Variants in CELF6 observed in about 807,000 individuals in gnomAD.
The protein encoded by CELF6 is Bruno -like 6, RNA binding protein.
A neutral mutation model predicts 53.1 loss-of-function variants in CELF6; 32 were observed. The observed-to-expected ratio is 0.60, with a 90% confidence interval of 0.46 to 0.81. The LOEUF (loss-of-function observed/expected upper bound fraction) is 0.81, where lower values mean the gene tolerates loss of function less well. Ranked by LOEUF, CELF6 falls within the 30% of genes least tolerant of loss-of-function variation. The pLI is 0.00. For synonymous variants in CELF6, 291 were observed against 288.8 expected (o/e 1.01, Z -0.08); for missense variants, 539 against 669.5 (o/e 0.81, Z 2.15).
At chr15:72,303,471 G>A (rs758137996) in intron 3 of CELF6, among the ~76,000 whole-genome samples, 1 of 152,194 alleles carries the variant, frequency 6.6e-6, no homozygotes, top group Non-Finnish European at 1.5e-5. Flanking sequence ...ACTTCACAGT[G>A]GAACCACAAA....
At position 72,290,307 on chromosome 15, in the gene CELF6, C is replaced by G. The variant is rs770784305; in HGVS notation, c.395-52G>C. On this transcript the variant is annotated intron_variant, in intron 3 of 12. Transcript: ENST00000287202. ...GGGACCCCAAGTCTTCCTAGACCCC[C>G]GAGAGTAGCCTGAGGAACTTAGGAA... 4 of 1,575,756 alleles carry G rather than the reference C, an allele frequency of 2.5e-6. No homozygotes were observed. In the South Asian group the frequency reaches 3.4e-5, roughly 14 times the overall value.
intron 2 of CELF6, among the ~76,000 whole-genome samples, chr15:72,315,290 A>G (rs542765921): frequency 6.6e-6 from 1 of 152,320 alleles, no homozygotes; most frequent in African/African-American, 2.4e-5. Flanking sequence ...TCCATTAGCC[A>G]AGACCAGACC....
At chr15:72,292,862 T>C (rs895257003) in intron 3 of CELF6, among the ~76,000 whole-genome samples, 4 of 152,168 alleles carry the variant, frequency 2.6e-5, no homozygotes, top group African/African-American at 4.8e-5. Context: ...ACCCCATCTC[T>C]ACTAAAAATA....
chr15:72,303,547 T>C (rs12440927), intron 3 of CELF6, among the ~76,000 whole-genome samples: 18,652 of 152,174 alleles, frequency 0.12, 2,472 homozygotes, highest in African/African-American at 0.32. Flanking sequence ...ACAGAATTAG[T>C]AGGACTCAAT....
In CELF6 at chr15:72,289,275, G is replaced by A. The variant is rs2087967501; in HGVS notation, c.893C>T (p.Pro298Leu). The change falls in exon 8 of 13, where the codon CCG becomes CTG. Residue 298 changes from proline to leucine, a missense_variant. Pro to Leu is a moderately conservative substitution (Grantham distance 98, BLOSUM62 -3). Transcript: ENST00000287202. This position sits in a 1 kb window ranked among gnomAD's most constrained non-coding sequence, Gnocchi z 7.6. ...GAGGGTGCCAGGGCCGCTGCCAGGC[G>A]GGGAGTTGGCTGCTGATGGCGGAAA... ...PLLPAAAANS[P>L]PGSGPGTLPG... The A allele has an allele frequency of 1.2e-5, 19 of 1,575,926 alleles. No homozygotes were observed. Among genetic ancestry groups the A allele is most frequent in the Non-Finnish European group, 1.5e-5 (18 of 1,165,846 alleles).
chr15:72,302,948 C>G (rs559797097), intron 3 of CELF6, among the ~76,000 whole-genome samples: 5 of 152,226 alleles, frequency 3.3e-5, no homozygotes, highest in Non-Finnish European at 7.3e-5. Flanking sequence ...AAGCAGTGAT[C>G]ACACTGAATT....
chr15:72,298,585 G>C (rs2088108424), intron 3 of CELF6, among the ~76,000 whole-genome samples: 3 of 152,210 alleles, frequency 2.0e-5, no homozygotes, highest in Admixed American at 2.0e-4. Flanking sequence ...AAAGGACACA[G>C]CCAAGTTGAG....
In CELF6 at chr15:72,285,083, A is replaced by C. The variant is rs574480653; in HGVS notation, c.*1288T>G. Reference sequence around the variant, plus strand: ...ATATGGCACCCACTGTATACAACAGACAGACAAAGACAGACAGACAGAGCA... The same window carrying C: ...ATATGGCACCCACTGTATACAACAGCCAGACAAAGACAGACAGACAGAGCA... On this transcript the variant is annotated 3_prime_UTR_variant, in exon 13 of 13. Transcript: ENST00000287202. The C allele has an allele frequency of 6.5e-6, 1 of 152,776 alleles. No individual in the cohort carries two copies. The highest frequency in any genetic ancestry group is 6.5e-5 in the Admixed American group (1 of 15,288). The allele number at this position is 152,776 out of a possible 1,614,324, so 9.5% of individuals were successfully genotyped here.
At chr15:72,287,726 G>A (rs1320600591) in intron 11 of CELF6, among the ~76,000 whole-genome samples, 1 of 152,174 alleles carries the variant, frequency 6.6e-6, no homozygotes, top group East Asian at 1.9e-4. Context: ...GGGATCTTTG[G>A]TCTCAGAACC....
At chr15:72,312,284 G>A (rs2088306438) in intron 2 of CELF6, among the ~76,000 whole-genome samples, 1 of 152,152 alleles carries the variant, frequency 6.6e-6, no homozygotes, top group African/African-American at 2.4e-5. Context: ...ATTGGCAGGG[G>A]ACAAATGGAG....
rs984879836 is a variant in CELF6 at position 72,314,589 on chromosome 15, G to GTTTTTTTTTTTTTTTTTTTTTTTTTTT, written c.345+1255_345+1256insAAAAAAAAAAAAAAAAAAAAAAAAAAA. 8.2e-5 allele frequency among the ~76,000 whole-genome samples: 8 copies of GTTTTTTTTTTTTTTTTTTTTTTTTTTT among 97,844 alleles called. 1 individual carries two copies. Among genetic ancestry groups the GTTTTTTTTTTTTTTTTTTTTTTTTTTT allele is most frequent in the African/African-American group, 3.4e-4 (7 of 20,712 alleles). The allele number at this position is 97,844 out of a possible 152,430, so 64.2% of individuals were successfully genotyped here. On this transcript the variant is annotated intron_variant, in intron 2 of 12. Transcript: ENST00000287202. ...AGGTCTGTGAGACTCAAAACCCAGT[G>GTTTTTTTTTTTTTTTTTTTTTTTTTTT]TTTTTTTTTTTTTTTTTTTTTTTGA...
rs185642763 is a variant in CELF6, at chr15:72,310,938, C to T, written c.345+4907G>A. Among the ~76,000 whole-genome samples, 37 of 152,222 alleles carry T rather than the reference C, an allele frequency of 2.4e-4. No homozygotes were observed. In the East Asian group the frequency reaches 6.4e-3, roughly 26 times the overall value. On this transcript the variant is annotated intron_variant, in intron 2 of 12. Coordinates refer to ENST00000287202, the MANE Select transcript of CELF6 (RefSeq NM_052840.5). ...TTCTTCCACTGCTGCCCAACATGCA[C>T]GATTCTCTCTACTCATGTGGAGCCT...
intron 1 of CELF6, among the ~76,000 whole-genome samples, chr15:72,317,552 C>T (rs1357222880): frequency 1.3e-5 from 2 of 152,262 alleles, no homozygotes; most frequent in East Asian, 3.9e-4. Context: ...AACTCCCAAG[C>T]TGGGGTTGTT....
rs140371170 is a variant in CELF6 at position 72,315,866 on chromosome 15, G to A, written c.324C>T (p.His108=). ...DSALKAQSAL[H]EQKTLPGMNR... is the part of the protein sequence containing the mutation. ...TTACCCCTGGCAGGGTCTTCTGCTC[G>A]TGCAGTGCACTCTGGGCCTTGAGAG... The change falls in exon 2 of 13, where the codon CAC becomes CAT. Residue 108 remains histidine (H), a synonymous_variant. Coordinates refer to ENST00000287202, the MANE Select transcript of CELF6 (RefSeq NM_052840.5). 1.5e-4 allele frequency: 236 copies of A among 1,605,142 alleles called. No individual in the cohort carries two copies. Among genetic ancestry groups the A allele is most frequent in the Middle Eastern group, 3.4e-4 (2 of 5,940 alleles).
chr15:72,314,155 G>A (rs1463470676), intron 2 of CELF6, among the ~76,000 whole-genome samples: 1 of 152,200 alleles, frequency 6.6e-6, no homozygotes, highest in East Asian at 1.9e-4. Flanking sequence ...TACTGTGCTT[G>A]GTTCTAGGAG....
intron 3 of CELF6, chr15:72,292,121 G>A: frequency 1.1e-6 from 1 of 945,816 alleles, no homozygotes; most frequent in East Asian, 2.7e-5. Context: ...GAAAAGGAGG[G>A]GTGGAGTTCA....
At chr15:72,309,666 C>CT (rs770550664) in intron 2 of CELF6, among the ~76,000 whole-genome samples, 1 of 152,188 alleles carries the variant, frequency 6.6e-6, no homozygotes, top group Non-Finnish European at 1.5e-5. Flanking sequence ...AGAAAGAGAG[C>CT]TGCCCCCATG....
At chr15:72,316,004 A>T in intron 1 of CELF6, 77 bp from the exon 2 acceptor site, 2 of 991,700 alleles carry the variant, frequency 2.0e-6, no homozygotes, top group Non-Finnish European at 1.5e-6. Context: ...CACTAAGTTG[A>T]CAAACTTAAG....
intron 3 of CELF6, among the ~76,000 whole-genome samples, chr15:72,304,411 T>C (rs1179852105): frequency 6.6e-6 from 1 of 152,178 alleles, no homozygotes; most frequent in Non-Finnish European, 1.5e-5. Flanking sequence ...ACCTGATTCT[T>C]AAAAACAACA....
Sources: allele counts gnomAD v4.1 joint callset (sites outside exome capture counted in the v4.1 genomes callset), GRCh38; gene constraint gnomAD v4.1.1; non-coding constraint Gnocchi (gnomAD v3.1); transcripts MANE v1.5; gene names NCBI Gene and HGNC (gene_info 2026-07-23, HGNC 2026-07-21).